The following PDGFB variants were observed in gnomAD, a reference collection of about 807,000 sequenced individuals.
PDGFB encodes platelet-derived growth factor subunit B.
In PDGFB, 6 loss-of-function variants were observed where a neutral mutation model predicts 29.0. The ratio of observed to expected loss-of-function variants is 0.21; its 90% CI spans 0.11 to 0.41. The LOEUF is 0.41. Ranked by LOEUF, PDGFB falls within the 10% of genes least tolerant of loss-of-function variation. The pLI is 1.00. For missense variants in PDGFB, 299 were observed against 341.8 expected, an observed-to-expected ratio of 0.87 and a Z score of 0.99; for synonymous variants, 144 against 140.8, an observed-to-expected ratio of 1.02 and a Z score of -0.16.
In PDGFB at chr22:39,242,227, T is replaced by TGCCCGTCGCTCTGCGC; in HGVS notation, c.63+1658_63+1673dup. ...CGCGCGACCTGGCCGCGGTAGTGCG[T>TGCCCGTCGCTCTGCGC]GCCCGTCGCTCTGCGCGCCCGCCCG... On this transcript the variant is annotated intron_variant, in intron 1 of 6. Coordinates refer to ENST00000331163, the MANE Select transcript of PDGFB (RefSeq NM_002608.4). The surrounding 1 kb of genome is among the most constrained non-coding windows in gnomAD (Gnocchi z 5.7). 5.2e-6 allele frequency: 1 copy of TGCCCGTCGCTCTGCGC among 192,042 alleles called. No individual in the cohort carries two copies. The highest frequency in any genetic ancestry group is 2.0e-4 in the South Asian group (1 of 4,960). The allele number at this position is 192,042 out of a possible 1,614,324, so 11.9% of individuals were successfully genotyped here.
intron 2 of PDGFB, among the ~76,000 whole-genome samples, chr22:39,233,997 G>A (rs549714835): frequency 2.0e-5 from 3 of 147,894 alleles, no homozygotes; most frequent in Admixed American, 1.4e-4. Flanking sequence ...GGCCGCGCTG[G>A]GCAGGCGGGA....
rs1380816418 is a variant in PDGFB at position 39,224,557 on chromosome 22, G to C, written c.*785C>G. ...GCAGGGTGGAGGTAGAGAGATGAAA[G>C]GAACCAGAGGAAGAGGTGAATCAGA... On this transcript the variant is annotated 3_prime_UTR_variant, in exon 7 of 7. Transcript: ENST00000331163. 1 of 152,852 alleles carries C rather than the reference G, an allele frequency of 6.5e-6. No individual in the cohort carries two copies. Among genetic ancestry groups the C allele is most frequent in the Non-Finnish European group, 1.5e-5 (1 of 68,136 alleles). 9.5% of individuals were successfully genotyped at this position (152,852 alleles called of 1,614,324 possible).
In PDGFB at chr22:39,231,476, T is replaced by C. The variant is rs1932300693; in HGVS notation, c.456+146A>G. On this transcript the variant is annotated intron_variant, in intron 4 of 6. Transcript: ENST00000331163. This position sits in a 1 kb window ranked among gnomAD's most constrained non-coding sequence, Gnocchi z 4.3. The stretch of plus-strand genomic sequence containing the variant: ...GAAGAGCTTCCCAAGAGTGGGCCTC[T>C]CTGGACAGAGCCCAGGAACAAATCA... The C allele has an allele frequency of 4.4e-6, 3 of 682,028 alleles. No homozygotes were observed. Among genetic ancestry groups the C allele is most frequent in the African/African-American group, 1.8e-5 (1 of 55,494 alleles). The allele number at this position is 682,028 out of a possible 1,614,324, so 42.2% of individuals were successfully genotyped here.
rs1377152279 is a variant in PDGFB at position 39,242,250 on chromosome 22, C to A, written c.63+1651G>T. ...CGTGCCCGTCGCTCTGCGCGCCCGCCCGCCGGAGCGCAGCATCGCCTCCGG... is the reference window on the plus strand; with the variant it reads ...CGTGCCCGTCGCTCTGCGCGCCCGCACGCCGGAGCGCAGCATCGCCTCCGG... On this transcript the variant is annotated intron_variant, in intron 1 of 6. Coordinates refer to ENST00000331163, the MANE Select transcript of PDGFB (RefSeq NM_002608.4). This position sits in a 1 kb window ranked among gnomAD's most constrained non-coding sequence, Gnocchi z 5.7. 4.7e-6 allele frequency: 1 copy of A among 212,420 alleles called. No individual in the cohort carries two copies. The highest frequency in any genetic ancestry group is 9.5e-6 in the Non-Finnish European group (1 of 104,940). 13.2% of individuals were successfully genotyped at this position (212,420 alleles called of 1,614,324 possible). A position where few individuals can be genotyped will look rare whatever the true frequency, so the allele number is the denominator to read the frequency against.
chr22:39,238,437 G>A (rs1318288890), intron 1 of PDGFB, among the ~76,000 whole-genome samples: 1 of 151,664 alleles, frequency 6.6e-6, no homozygotes, highest in African/African-American at 2.4e-5. Flanking sequence ...CTACCCATAA[G>A]CCCCCGGATT....
In PDGFB at chr22:39,233,445, T is replaced by C. The variant is rs771098081; in HGVS notation, c.240A>G (p.Arg80=). Reference sequence around the variant, plus strand: ...GTGTCTCAGTCTTACCCAGGCTCCTTCTTCCACGAGCCAAGCTCTCCAGCT... The same window carrying C: ...GTGTCTCAGTCTTACCCAGGCTCCTCCTTCCACGAGCCAAGCTCTCCAGCT... The part of the protein sequence containing the change: ...GGELESLARG[R]RSLGSLTIAE... Residue 80 remains arginine (R), a synonymous_variant, in exon 3 of 7, where the codon AGA becomes AGG. Coordinates refer to ENST00000331163, the MANE Select transcript of PDGFB (RefSeq NM_002608.4). The C allele has an allele frequency of 1.3e-6, 2 of 1,595,226 alleles. No individual in the cohort carries two copies. Among genetic ancestry groups the C allele is most frequent in the Non-Finnish European group, 1.7e-6 (2 of 1,171,646 alleles).
rs1426379027 is a variant in PDGFB at position 39,229,173 on chromosome 22, G to A, written c.601+911C>T. 3.9e-5 allele frequency among the ~76,000 whole-genome samples: 6 copies of A among 151,902 alleles called. No homozygotes were observed. In the East Asian group the frequency reaches 5.8e-4, roughly 15 times the overall value. On this transcript the variant is annotated intron_variant, in intron 5 of 6. Coordinates refer to ENST00000331163, the MANE Select transcript of PDGFB (RefSeq NM_002608.4). ...TATCACTTACGTGATTTTTTTAAAC[G>A]CTCATCTAATCGTATTAATCATTTT...
chr22:39,241,823 TCAC>T (rs1265701319), intron 1 of PDGFB, among the ~76,000 whole-genome samples: 1 of 151,900 alleles, frequency 6.6e-6, no homozygotes, highest in Non-Finnish European at 1.5e-5. Context: ...CAGAGTCACA[TCAC>T]CACCATTTTC....
intron 3 of PDGFB, 23 bp downstream of exon 3, chr22:39,233,412 C>G (rs1463246304): frequency 1.3e-6 from 2 of 1,570,764 alleles, no homozygotes; most frequent in Non-Finnish European, 1.7e-6. Context: ...TTGAAGGACC[C>G]TTGTTGGGTG....
intron 2 of PDGFB, among the ~76,000 whole-genome samples, chr22:39,234,108 C>T (rs1458266274): frequency 5.9e-5 from 9 of 152,128 alleles, no homozygotes; most frequent in Admixed American, 5.2e-4. Context: ...GGTGGGGAGT[C>T]CCTGCCACAC....
intron 2 of PDGFB, among the ~76,000 whole-genome samples, chr22:39,233,820 G>C (rs562206889): frequency 2.2e-4 from 33 of 152,308 alleles, no homozygotes; most frequent in African/African-American, 7.2e-4. Context: ...TACTGTAAGT[G>C]AACCCTCCTC....
chr22:39,226,712 C>T (rs1388310251), intron 5 of PDGFB, among the ~76,000 whole-genome samples: 3 of 152,236 alleles, frequency 2.0e-5, no homozygotes, highest in Admixed American at 6.5e-5. Flanking sequence ...CTCTCAGCCC[C>T]GTCCGATCAC....
intron 3 of PDGFB, among the ~76,000 whole-genome samples, chr22:39,232,220 T>C (rs1005859602): frequency 6.6e-6 from 1 of 152,268 alleles, no homozygotes; most frequent in Admixed American, 6.5e-5. Flanking sequence ...AGGTACCATA[T>C]TAGCTCGAAA....
intron 1 of PDGFB, among the ~76,000 whole-genome samples, chr22:39,237,695 C>T (rs987250935): frequency 1.3e-5 from 2 of 152,240 alleles, no homozygotes; most frequent in Admixed American, 6.5e-5. Context: ...CAGCGAAAGC[C>T]GCTTCCCCTG....
rs755704691 is a variant in PDGFB, at chr22:39,231,668, C to T, written c.410G>A (p.Arg137His). The change falls in exon 4 of 7, where the codon CGC becomes CAC. Residue 137 changes from arginine to histidine, a missense_variant. Coordinates refer to ENST00000331163, the MANE Select transcript of PDGFB (RefSeq NM_002608.4). The surrounding 1 kb of genome is among the most constrained non-coding windows in gnomAD (Gnocchi z 4.3). Reference protein sequence around the residue: ...VQRCSGCCNNRNVQCRPTQVQ... With the variant: ...VQRCSGCCNNHNVQCRPTQVQ... Reference sequence around the variant, plus strand: ...CTGGGTGGGGCGGCACTGCACGTTGCGGTTGTTGCAGCAGCCGGAGCAGCG... The same window carrying T: ...CTGGGTGGGGCGGCACTGCACGTTGTGGTTGTTGCAGCAGCCGGAGCAGCG... 4.6e-5 allele frequency: 74 copies of T among 1,593,026 alleles called. No individual in the cohort carries two copies. Among genetic ancestry groups the T allele is most frequent in the Non-Finnish European group, 5.9e-5 (69 of 1,170,832 alleles).
chr22:39,231,210 A>C lies in PDGFB; in HGVS notation c.456+412T>G, dbSNP rs538969696. 6.6e-6 allele frequency among the ~76,000 whole-genome samples: 1 copy of C among 152,264 alleles called. No individual in the cohort carries two copies. Among genetic ancestry groups the C allele is most frequent in the Non-Finnish European group, 1.5e-5 (1 of 68,048 alleles). ...TGAGCCTTTCTCAAGACAGCCCTGA[A>C]TAGGGAGAGCTTTGGGGGAACCTGA... On this transcript the variant is annotated intron_variant, in intron 4 of 6. Coordinates refer to ENST00000331163, the MANE Select transcript of PDGFB (RefSeq NM_002608.4). The surrounding 1 kb of genome is among the most constrained non-coding windows in gnomAD (Gnocchi z 4.3).
rs1004809511 is a variant in PDGFB, at chr22:39,242,425, G to A, written c.63+1476C>T. ...CCACGGCGAGGCGAGGCGGCAGCTG[G>A]GGCCGGCCGGCCACCCCCTCCCCAA... On this transcript the variant is annotated intron_variant, in intron 1 of 6. Coordinates refer to ENST00000331163, the MANE Select transcript of PDGFB (RefSeq NM_002608.4). The surrounding 1 kb of genome is among the most constrained non-coding windows in gnomAD (Gnocchi z 5.7). 447 of 200,028 alleles carry A rather than the reference G, an allele frequency of 2.2e-3. 2 individuals carry two copies. Among genetic ancestry groups the A allele is most frequent in the African/African-American group, 9.9e-3 (433 of 43,576 alleles). 12.4% of individuals were successfully genotyped at this position (200,028 alleles called of 1,614,324 possible).
intron 4 of PDGFB, 72 bp from the exon 5 acceptor site, chr22:39,230,300 G>A: frequency 2.7e-6 from 4 of 1,507,472 alleles, no homozygotes; most frequent in South Asian, 1.1e-5. Context: ...CGAATGGCTT[G>A]CGCTTCCCAC....
intron 3 of PDGFB, among the ~76,000 whole-genome samples, chr22:39,232,591 G>A (rs1255485438): frequency 6.6e-6 from 1 of 152,124 alleles, no homozygotes; most frequent in Non-Finnish European, 1.5e-5. Context: ...CCTGGTTCAA[G>A]CAATTCTCCT....
Sources: allele counts gnomAD v4.1 joint callset (sites outside exome capture counted in the v4.1 genomes callset), GRCh38; gene constraint gnomAD v4.1.1; non-coding constraint Gnocchi (gnomAD v3.1); transcripts MANE v1.5; gene names NCBI Gene and HGNC (gene_info 2026-07-23, HGNC 2026-07-21).